DOCK8: variants seen among roughly 807,000 people sequenced by gnomAD.
The protein encoded by DOCK8 is dedicator of cytokinesis 8.
Under a neutral mutation model 245.6 loss-of-function variants are expected in DOCK8, and 141 were observed. That is an observed-to-expected ratio of 0.57 (90% CI 0.50 to 0.66). DOCK8 has a LOEUF of 0.66. Among genes scored for constraint, DOCK8 ranks in the 30% least tolerant of loss-of-function variants. DOCK8 has a pLI of 0.00. For synonymous variants in DOCK8, 1,168 were observed against 970.2 expected, an observed-to-expected ratio of 1.20 and a Z score of -3.79; for missense variants, 2,965 against 2,603.4, an observed-to-expected ratio of 1.14 and a Z score of -3.02.
intron 1 of DOCK8, among the ~76,000 whole-genome samples, chr9:256,182 G>A (rs920757748): frequency 2.4e-4 from 37 of 152,164 alleles, no homozygotes; most frequent in African/African-American, 8.2e-4. Context: ...TCACAAGAAC[G>A]AGGCTCTTTC....
chr9:214,251 T>G (rs957225146), upstream of DOCK8: 32 of 479,958 alleles, frequency 6.7e-5, no homozygotes, highest in Non-Finnish European at 1.1e-4. Context: ...CAGCGTACCC[T>G]TGAATCGCAA....
At chr9:447,438 A>G (rs1377478838) in intron 44 of DOCK8, among the ~76,000 whole-genome samples, 1 of 152,170 alleles carries the variant, frequency 6.6e-6, no homozygotes, top group African/African-American at 2.4e-5. Flanking sequence ...GCTTTGTGTA[A>G]GCAGAGTGAG....
chr9:448,052 C>T (rs1051476278), intron 44 of DOCK8, among the ~76,000 whole-genome samples: 1 of 152,134 alleles, frequency 6.6e-6, no homozygotes, highest in African/African-American at 2.4e-5. Context: ...TCCTTTCCTT[C>T]CTTTCCTTTC....
intron 33 of DOCK8, among the ~76,000 whole-genome samples, chr9:423,747 ACATT>A (rs1295401814): frequency 1.3e-5 from 2 of 152,164 alleles, no homozygotes; most frequent in Non-Finnish European, 2.9e-5. Context: ...GAGAGTCCAT[ACATT>A]CTACTTCGGG....
intron 45 of DOCK8, among the ~76,000 whole-genome samples, 177 bp downstream of exon 45, chr9:450,104 C>A (rs2057381036): frequency 6.6e-6 from 1 of 152,196 alleles, no homozygotes; most frequent in Non-Finnish European, 1.5e-5. Flanking sequence ...GAAACCTCTT[C>A]CCTTTCATGT....
intron 9 of DOCK8, among the ~76,000 whole-genome samples, chr9:329,708 T>C (rs191870183): frequency 9.8e-5 from 15 of 152,352 alleles, no homozygotes; most frequent in African/African-American, 3.4e-4. Flanking sequence ...ACTAGTTCTA[T>C]AGAGCCAAAT....
chr9:259,178 G>A (rs1296547217), intron 1 of DOCK8, among the ~76,000 whole-genome samples: 1 of 151,952 alleles, frequency 6.6e-6, no homozygotes, highest in Non-Finnish European at 1.5e-5. Flanking sequence ...GTACATGCCT[G>A]TAGTCCTGGC....
At chr9:381,892 G>A (rs112312656) in intron 21 of DOCK8, among the ~76,000 whole-genome samples, 14,482 of 151,772 alleles carry the variant, frequency 0.095, 1,958 homozygotes, top group African/African-American at 0.31. Flanking sequence ...CCTGGGAGGC[G>A]GAGGTTGCAG....
chr9:333,528 G>A (rs1586726014), intron 10 of DOCK8, among the ~76,000 whole-genome samples: 1 of 152,130 alleles, frequency 6.6e-6, no homozygotes, highest in East Asian at 1.9e-4. Flanking sequence ...TTGAACCTGG[G>A]AGGCGGAGGT....
At chr9:463,424 G>A (rs963231092) in intron 46 of DOCK8, 93 bp from the exon 47 acceptor site, 5 of 1,523,878 alleles carry the variant, frequency 3.3e-6, no homozygotes, top group Non-Finnish European at 4.5e-6. Context: ...CGTTCTTAAA[G>A]TTATTCGAAA....
chr9:409,217 A>G (rs1326549724), intron 28 of DOCK8, among the ~76,000 whole-genome samples: 1 of 152,188 alleles, frequency 6.6e-6, no homozygotes, highest in African/African-American at 2.4e-5. Flanking sequence ...CTAGGGAGCT[A>G]CAGCTCCAGT....
At chr9:235,332 T>C (rs549091464) in intron 1 of DOCK8, among the ~76,000 whole-genome samples, 71 of 152,306 alleles carry the variant, frequency 4.7e-4, no homozygotes, top group African/African-American at 1.6e-3. Context: ...CCAGTTGGGC[T>C]ACTCGGGGGT....
At chr9:215,238 CCCAAGAATCT>C in intron 1 of DOCK8, 1 of 1,580,780 alleles carries the variant, frequency 6.3e-7, no homozygotes, top group East Asian at 2.4e-5. Context: ...CGAGGTCCTC[CCCAAGAATCT>C]CGGTGCTCCT....
intron 14 of DOCK8, among the ~76,000 whole-genome samples, chr9:356,843 G>GA (rs5895840): frequency 0.56 from 85,217 of 151,862 alleles, 25,366 homozygotes; most frequent in East Asian, 0.81. Flanking sequence ...CATCTTACTT[G>GA]AAAAAAATTT....
chr9:426,203 C>T (rs577492233), intron 33 of DOCK8, among the ~76,000 whole-genome samples: 1 of 152,222 alleles, frequency 6.6e-6, no homozygotes, highest in South Asian at 2.1e-4. Context: ...AAAGTGAAAC[C>T]TAATAGAGGA....
intron 23 of DOCK8, among the ~76,000 whole-genome samples, chr9:389,240 A>T (rs2054083391): frequency 6.6e-6 from 1 of 152,230 alleles, no homozygotes. Flanking sequence ...CTTCTTCCTC[A>T]TCAAAATGAT....
At position 415,662 on chromosome 9, in the gene DOCK8, G is replaced by A. The variant is rs117286098; in HGVS notation, c.3700+711G>A. 8.9e-3 allele frequency among the ~76,000 whole-genome samples: 1,359 copies of A among 152,048 alleles called. 9 individuals carry two copies. Among genetic ancestry groups the A allele is most frequent in the Non-Finnish European group, 0.014 (947 of 67,958 alleles). ...TCCATTGGCCTACCCTCTCCACAGC[G>A]TACGTGTGTGTGCACGTGTGTGCGC... On this transcript the variant is annotated intron_variant, in intron 29 of 47. Transcript: ENST00000432829.
intron 14 of DOCK8, among the ~76,000 whole-genome samples, chr9:363,655 T>C (rs1030094911): frequency 6.6e-6 from 1 of 152,218 alleles, no homozygotes; most frequent in Non-Finnish European, 1.5e-5. Flanking sequence ...GGATGTTAGT[T>C]TCCTGACCTT....
rs1009414917 is a variant in DOCK8, at chr9:312,012, C to G, written c.587C>G (p.Ala196Gly). The G allele has an allele frequency of 2.2e-5, 36 of 1,614,096 alleles. No individual in the cohort carries two copies. The highest frequency in any genetic ancestry group is 1.9e-5 in the Non-Finnish European group (23 of 1,180,048). The change falls in exon 6 of 48, where the codon GCC becomes GGC. Residue 196 changes from alanine (A) to glycine (G), a missense_variant. Physicochemically the swap from Ala to Gly is moderately conservative, Grantham distance 60 (BLOSUM62 0). This residue lies in a region of DOCK8 where 2,825 missense variants were observed against 2,453.5 expected (regional missense o/e 1.15). Coordinates refer to ENST00000432829, the MANE Select transcript of DOCK8 (RefSeq NM_203447.4). ...CDVSGKGPVT[A>G]CDFDLRSLQP... Reference sequence around the variant, plus strand: ...GTGTCTGGGAAAGGCCCCGTCACTGCCTGTGACTTTGACCTCCGCAGCCTG... The same window carrying G: ...GTGTCTGGGAAAGGCCCCGTCACTGGCTGTGACTTTGACCTCCGCAGCCTG...
Sources: allele counts gnomAD v4.1 joint callset (sites outside exome capture counted in the v4.1 genomes callset), GRCh38; gene constraint gnomAD v4.1.1; regional missense constraint gnomAD v4.1.1; transcripts MANE v1.5; gene names NCBI Gene and HGNC (gene_info 2026-07-23, HGNC 2026-07-21).